The following ERBIN variants were observed in gnomAD, a reference collection of about 807,000 sequenced individuals.
ERBIN encodes the protein erbb2 interacting protein.
Under a neutral mutation model 158.4 loss-of-function variants are expected in ERBIN, and 60 were observed. That is an observed-to-expected ratio of 0.38 (90% CI 0.31 to 0.47). The LOEUF is 0.47. Ranked by LOEUF, ERBIN falls within the 20% of genes least tolerant of loss-of-function variation. ERBIN has a pLI of 0.99. For missense variants in ERBIN, 1,610 were observed against 1,648.0 expected (o/e 0.98, Z 0.40); for synonymous variants, 594 against 557.2 (o/e 1.07, Z -0.93).
At chr5:66,002,742 C>T (rs1239195523) in intron 4 of ERBIN, among the ~76,000 whole-genome samples, 1 of 152,174 alleles carries the variant, frequency 6.6e-6, no homozygotes, top group East Asian at 1.9e-4. Flanking sequence ...AGCCTTTTCA[C>T]ATTAAACTAA....
intron 1 of ERBIN, among the ~76,000 whole-genome samples, chr5:65,944,276 A>G (rs1286478693): frequency 6.8e-6 from 1 of 145,986 alleles, no homozygotes; most frequent in East Asian, 2.0e-4. Flanking sequence ...GTATATTTCC[A>G]CCGAAAGTAT....
intron 14 of ERBIN, among the ~76,000 whole-genome samples, chr5:66,032,874 A>C (rs1757030264): frequency 6.6e-6 from 1 of 152,244 alleles, no homozygotes; most frequent in African/African-American, 2.4e-5. Context: ...AGGGTCAAAG[A>C]TTTGGCTTCA....
rs1342342389 is a variant in ERBIN at position 66,080,713 on chromosome 5, A to G, written c.*2183A>G. 6.6e-6 allele frequency: 1 copy of G among 152,052 alleles called. No individual in the cohort carries two copies. Among genetic ancestry groups the G allele is most frequent in the African/African-American group, 2.4e-5 (1 of 41,456 alleles). The allele number at this position is 152,052 out of a possible 1,614,324, so 9.4% of individuals were successfully genotyped here. On this transcript the variant is annotated 3_prime_UTR_variant, in exon 26 of 26. Coordinates refer to ENST00000284037, the MANE Select transcript of ERBIN (RefSeq NM_001253697.2). ...ACATATACCAATTATAATTTTGGAA[A>G]AGGAATTAAGCCTCACGGAACAATG...
In ERBIN at chr5:66,076,397, C is replaced by A; in HGVS notation, c.4045C>A (p.Pro1349Thr). Reference protein sequence around the residue: ...GVGGRGNPFRPDDDGIFVTRV... With the variant: ...GVGGRGNPFRTDDDGIFVTRV... ...CGGGGGTAGAGGAAACCCATTCAGACCTGATGATGATGTAAGTTTTCTTTG... is the reference window on the plus strand; with the variant it reads ...CGGGGGTAGAGGAAACCCATTCAGAACTGATGATGATGTAAGTTTTCTTTG... The change falls in exon 24 of 26, where the codon CCT (proline) becomes ACT (threonine). Residue 1349 changes from proline to threonine, a missense_variant. Coordinates refer to ENST00000284037, the MANE Select transcript of ERBIN (RefSeq NM_001253697.2). The A allele has an allele frequency of 6.2e-7, 1 of 1,609,180 alleles. No homozygotes were observed. The highest frequency in any genetic ancestry group is 1.3e-5 in the African/African-American group (1 of 74,734).
At chr5:66,013,823 A>G (rs1259564449) in intron 6 of ERBIN, among the ~76,000 whole-genome samples, 185 bp downstream of exon 6, 1 of 152,110 alleles carries the variant, frequency 6.6e-6, no homozygotes, top group East Asian at 1.9e-4. Context: ...AACAATAATC[A>G]GTGAGAGTTT....
chr5:65,991,376 A>C (rs1259596434), intron 2 of ERBIN, among the ~76,000 whole-genome samples: 3 of 152,194 alleles, frequency 2.0e-5, no homozygotes, highest in African/African-American at 7.2e-5. Context: ...GCCTTAACCT[A>C]GTCTTGGTTC....
Position 66,054,276 on chromosome 5 carries a change from A to C in ERBIN, c.2958A>C (p.Ala986=). The change falls in exon 21 of 26, where the codon GCA becomes GCC. Residue 986 remains alanine (A), a synonymous_variant. Coordinates refer to ENST00000284037, the MANE Select transcript of ERBIN (RefSeq NM_001253697.2). The part of the protein sequence containing the change: ...QYNIQYSSSA[A]VKDTLWHSKQ... ...ATATCCAATACAGTAGCAGTGCTGC[A>C]GTCAAAGACACTTTGTGGCACTCCA... 1.2e-6 allele frequency: 2 copies of C among 1,614,198 alleles called. No homozygotes were observed. Among genetic ancestry groups the C allele is most frequent in the Admixed American group, 1.7e-5 (1 of 60,018 alleles).
chr5:66,062,765 A>G (rs152935), intron 21 of ERBIN, among the ~76,000 whole-genome samples: 25,500 of 152,040 alleles, frequency 0.17, 2,712 homozygotes, highest in East Asian at 0.46. Context: ...AATAGTCACA[A>G]CCCTCAGCTG....
chr5:66,057,760 T>C (rs554315493), intron 21 of ERBIN, among the ~76,000 whole-genome samples: 13 of 147,622 alleles, frequency 8.8e-5, no homozygotes, highest in African/African-American at 3.2e-4. Context: ...GTCCATCTGT[T>C]CTCATTGTTC....
chr5:66,002,959 C>T (rs1753156906), intron 4 of ERBIN, among the ~76,000 whole-genome samples: 1 of 152,180 alleles, frequency 6.6e-6, no homozygotes, highest in Non-Finnish European at 1.5e-5. Context: ...GATTTCTGGC[C>T]ACTGCCAAGT....
rs192600296 is a variant in ERBIN at position 66,054,215 on chromosome 5, A to G, written c.2897A>G (p.Gln966Arg). 8.1e-6 allele frequency: 13 copies of G among 1,614,148 alleles called. No homozygotes were observed. In the African/African-American group the frequency reaches 1.7e-4, roughly 22 times the overall value. Residue 966 changes from glutamine (Q) to arginine (R), a missense_variant, in exon 21 of 26, where the codon CAA becomes CGA. Transcript: ENST00000284037. Reference sequence around the variant, plus strand: ...ATAAGAGGCCCCACAAGTGGCCCACAATCTGCACCTCAAATATATGGTCCT... The same window carrying G: ...ATAAGAGGCCCCACAAGTGGCCCACGATCTGCACCTCAAATATATGGTCCT... The part of the protein sequence containing the change: ...NIIRGPTSGP[Q>R]SAPQIYGPPQ...
intron 1 of ERBIN, among the ~76,000 whole-genome samples, chr5:65,974,497 T>C (rs1400305975): frequency 6.6e-6 from 1 of 152,208 alleles, no homozygotes; most frequent in East Asian, 1.9e-4. Flanking sequence ...TCTATATGCT[T>C]CTTGGGAGGT....
chr5:65,992,712 T>C lies in ERBIN; in HGVS notation c.-7T>C. ...TTCTTTTTATTCGAATATTGCAGTG[T>C]CTAAAAATGACTACAAAACGAAGTT... is the stretch of plus-strand genomic sequence containing the variant. On this transcript the variant is annotated splice_region_variant and 5_prime_UTR_variant, in exon 3 of 26. Transcript: ENST00000284037. 6.3e-7 allele frequency: 1 copy of C among 1,584,752 alleles called. No individual in the cohort carries two copies. The highest frequency in any genetic ancestry group is 1.4e-5 in the African/African-American group (1 of 73,264).
At position 66,012,100 on chromosome 5, in the gene ERBIN, T is replaced by G; in HGVS notation, c.359T>G (p.Val120Gly). 1 of 1,606,990 alleles carries G rather than the reference T, an allele frequency of 6.2e-7. No homozygotes were observed. The highest frequency in any genetic ancestry group is 8.5e-7 in the Non-Finnish European group (1 of 1,176,066). ...NIKNCKVLTI[V>G]EASVNPISKL... ...AAAAATTGTAAAGTTTTGACAATTG[T>G]GGAGGCCAGTGTAAACCCTATTTCC... Residue 120 changes from valine to glycine, a missense_variant, in exon 5 of 26, where the codon GTG becomes GGG. By Grantham distance (109) the Val-to-Gly change is moderately radical. Transcript: ENST00000284037.
intron 4 of ERBIN, among the ~76,000 whole-genome samples, chr5:66,002,313 T>G (rs1435539246): frequency 6.6e-6 from 1 of 152,190 alleles, no homozygotes; most frequent in Non-Finnish European, 1.5e-5. Flanking sequence ...TATAAAAAGT[T>G]CTCTAAGCTG....
In ERBIN at chr5:66,054,638, A is replaced by G. The variant is rs201110697; in HGVS notation, c.3320A>G (p.Tyr1107Cys). The G allele has an allele frequency of 9.5e-5, 154 of 1,614,134 alleles. No homozygotes were observed. The East Asian group carries it at 2.6e-3, about 27-fold the overall frequency. ...ATTCCTGAAGGAGATTATTTATCAT[A>G]CAGAGAGTTCCACTCAGCGGGAAGA... is the stretch of plus-strand genomic sequence containing the variant. ...AQIPEGDYLS[Y>C]REFHSAGRTP... Residue 1107 changes from tyrosine to cysteine, a missense_variant, in exon 21 of 26, where the codon TAC becomes TGC. This residue lies in a region of ERBIN where 1,014 missense variants were observed against 936.1 expected (regional missense o/e 1.08). Transcript: ENST00000284037.
chr5:66,073,504 C>G (rs1761709618), intron 22 of ERBIN, among the ~76,000 whole-genome samples: 1 of 152,082 alleles, frequency 6.6e-6, no homozygotes, highest in Non-Finnish European at 1.5e-5. Flanking sequence ...TCACAGAATA[C>G]CCATGTGTGT....
chr5:65,931,241 T>C (rs145214268), intron 1 of ERBIN, among the ~76,000 whole-genome samples: 1 of 152,368 alleles, frequency 6.6e-6, no homozygotes, highest in African/African-American at 2.4e-5. Flanking sequence ...CATTTACTTA[T>C]GTACATAATG....
intron 1 of ERBIN, among the ~76,000 whole-genome samples, chr5:65,941,355 A>G (rs1036743443): frequency 1.4e-4 from 20 of 147,466 alleles, no homozygotes; most frequent in African/African-American, 4.5e-4. Flanking sequence ...TAACAACAAT[A>G]TAGCAATTAT....
Sources: allele counts gnomAD v4.1 joint callset (sites outside exome capture counted in the v4.1 genomes callset), GRCh38; gene constraint gnomAD v4.1.1; regional missense constraint gnomAD v4.1.1; transcripts MANE v1.5; gene names NCBI Gene and HGNC (gene_info 2026-07-23, HGNC 2026-07-21).